The following CHRNA2 variants were observed in gnomAD, a reference collection of about 807,000 sequenced individuals.
CHRNA2 encodes neuronal acetylcholine receptor subunit alpha-2.
CHRNA2 carries 40 observed loss-of-function variants against 45.5 expected under a neutral mutation model. That is an observed-to-expected ratio of 0.88 (90% confidence interval 0.68 to 1.15). CHRNA2 has a LOEUF of 1.15. Ranked by LOEUF, CHRNA2 falls within the 50% of genes most tolerant of loss-of-function variation. The pLI is 0.00. For missense variants in CHRNA2, 655 were observed against 701.7 expected (o/e 0.93, Z 0.75); for synonymous variants, 301 against 296.7 (o/e 1.01, Z -0.15).
chr8:27,466,962 A>G (rs1315928196), intron 5 of CHRNA2, among the ~76,000 whole-genome samples: 2 of 152,214 alleles, frequency 1.3e-5, no homozygotes, highest in African/African-American at 4.8e-5. Flanking sequence ...TTCAAAGAAT[A>G]CTCAGTATGG....
At chr8:27,473,540 C>A in intron 1 of CHRNA2, among the ~76,000 whole-genome samples, 1 of 127,204 alleles carries the variant, frequency 7.9e-6, no homozygotes, top group African/African-American at 3.0e-5. Flanking sequence ...CCCGCCGTCT[C>A]TACAAAAAAT....
intron 1 of CHRNA2, among the ~76,000 whole-genome samples, chr8:27,477,016 G>C (rs1198096411): frequency 2.0e-5 from 3 of 151,546 alleles, no homozygotes; most frequent in Admixed American, 1.3e-4. Flanking sequence ...AAAAACTGAT[G>C]TTCAGAGAAG....
In CHRNA2 at chr8:27,469,914, C is replaced by T. The variant is rs1057523368; in HGVS notation, c.141G>A (p.Thr47=). The part of the protein sequence containing the change: ...PGDPLSSPSP[T]ALPQGGSHTE... ...TATGCGAGCCTCCCTGCGGCAATGC[C>T]GTGGGACTGGGAGAGGAGAGTGGGT... Residue 47 remains threonine, a synonymous_variant, in exon 3 of 7, where the codon ACG becomes ACA. Coordinates refer to ENST00000407991, the MANE Select transcript of CHRNA2 (RefSeq NM_000742.4). 3.7e-6 allele frequency: 6 copies of T among 1,613,998 alleles called. No homozygotes were observed. The highest frequency in any genetic ancestry group is 2.2e-5 in the East Asian group (1 of 44,874).
intron 5 of CHRNA2, among the ~76,000 whole-genome samples, chr8:27,466,589 A>G (rs1275036829): frequency 1.3e-5 from 2 of 152,234 alleles, no homozygotes; most frequent in Non-Finnish European, 2.9e-5. Flanking sequence ...AACACCAAAT[A>G]TCTTTTCATT....
chr8:27,460,901 TG>T lies in CHRNA2; in HGVS notation c.*727del, dbSNP rs1812458369. ...TCAAGGAGAAGCCTGGAGGCTCAAATGTGCTTCCAGATGGATGGAATAGCCC... is the reference window on the plus strand; with the variant it reads ...TCAAGGAGAAGCCTGGAGGCTCAAATTGCTTCCAGATGGATGGAATAGCCC... On this transcript the variant is annotated 3_prime_UTR_variant, in exon 7 of 7. Coordinates refer to ENST00000407991, the MANE Select transcript of CHRNA2 (RefSeq NM_000742.4). The T allele has an allele frequency of 6.6e-6, 1 of 152,278 alleles. No individual in the cohort carries two copies. Among genetic ancestry groups the T allele is most frequent in the African/African-American group, 2.4e-5 (1 of 41,420 alleles). 9.4% of individuals were successfully genotyped at this position (152,278 alleles called of 1,614,324 possible). A position where few individuals can be genotyped will look rare whatever the true frequency, so the allele number is the denominator to read the frequency against.
At chr8:27,478,287 C>G (rs1003731451) in intron 1 of CHRNA2, among the ~76,000 whole-genome samples, 4 of 152,168 alleles carry the variant, frequency 2.6e-5, no homozygotes, top group Non-Finnish European at 5.9e-5. Context: ...GCTTTTATAT[C>G]TGTTTTGCTC....
intron 5 of CHRNA2, among the ~76,000 whole-genome samples, chr8:27,466,011 C>T (rs1164145077): frequency 1.3e-5 from 2 of 152,142 alleles, no homozygotes; most frequent in Non-Finnish European, 2.9e-5. Context: ...GGACTTTGCT[C>T]CTGACCTCTG....
At chr8:27,467,429 C>T (rs1354248529) in intron 4 of CHRNA2, 91 bp from the exon 5 acceptor site, 1 of 1,004,648 alleles carries the variant, frequency 1.0e-6, no homozygotes, top group Non-Finnish European at 1.5e-6. Flanking sequence ...AGAATTGGGC[C>T]AAGCAGCCCC....
intron 1 of CHRNA2, among the ~76,000 whole-genome samples, chr8:27,474,647 T>C (rs1346562436): frequency 1.3e-5 from 2 of 152,320 alleles, no homozygotes; most frequent in African/African-American, 2.4e-5. Context: ...GGGAAGCTTC[T>C]CCACAGATAG....
intron 1 of CHRNA2, among the ~76,000 whole-genome samples, chr8:27,474,656 AG>A (rs1813006094): frequency 6.6e-6 from 1 of 152,258 alleles, no homozygotes; most frequent in Non-Finnish European, 1.5e-5. Flanking sequence ...CTCCACAGAT[AG>A]GCCTGGTACA....
In CHRNA2 at chr8:27,467,276, C is replaced by G. The variant is rs773956983; in HGVS notation, c.402G>C (p.Arg134Ser). 1.2e-6 allele frequency: 2 copies of G among 1,613,918 alleles called. No individual in the cohort carries two copies. Among genetic ancestry groups the G allele is most frequent in the African/African-American group, 2.7e-5 (2 of 74,898 alleles). ...GGATCCAGATCATCTCAGAAGGGAC[C>G]CTGAGAGATGTGATGTTGCCAAAAT... ...PTDFGNITSL[R>S]VPSEMIWIPD... Residue 134 changes from arginine (R) to serine (S), a missense_variant, in exon 5 of 7, where the codon AGG (arginine) becomes AGC (serine). By Grantham distance (110) the Arg-to-Ser change is moderately radical (BLOSUM62 -1). Around this residue, in one of 3 missense-constraint regions of CHRNA2, gnomAD observed 323 missense variants for 354.4 expected, o/e 0.91. Coordinates refer to ENST00000407991, the MANE Select transcript of CHRNA2 (RefSeq NM_000742.4).
rs180982173 is a variant in CHRNA2, at chr8:27,470,327, G to A, written c.74-346C>T. ...AAGAGACGCCTGGTCTACGTGGCGG[G>A]GCTGCAGGGAGAAGGGCTCTGGCAT... On this transcript the variant is annotated intron_variant, in intron 2 of 6. Transcript: ENST00000407991. Among the ~76,000 whole-genome samples, 1,117 of 152,276 alleles carry A rather than the reference G, an allele frequency of 7.3e-3. 3 individuals carry two copies. Among genetic ancestry groups the A allele is most frequent in the Non-Finnish European group, 0.012 (800 of 68,012 alleles).
At chr8:27,468,431 C>A (rs1036612280) in intron 4 of CHRNA2, among the ~76,000 whole-genome samples, 3 of 152,224 alleles carry the variant, frequency 2.0e-5, no homozygotes, top group Non-Finnish European at 4.4e-5. Flanking sequence ...CCGACCTAAG[C>A]GGGATCTGTG....
chr8:27,468,661 C>CA (rs1230135725), intron 4 of CHRNA2, among the ~76,000 whole-genome samples: 1 of 152,186 alleles, frequency 6.6e-6, no homozygotes, highest in Non-Finnish European at 1.5e-5. Flanking sequence ...CAGAACCTTC[C>CA]AGCACCTTCC....
chr8:27,467,152 G>T, intron 5 of CHRNA2, 77 bp downstream of exon 5: 1 of 1,121,464 alleles, frequency 8.9e-7, no homozygotes, highest in South Asian at 1.2e-5. Context: ...CACCAGGGGG[G>T]CCCCTCCCAA....
Position 27,470,905 on chromosome 8 carries a change from C to A in CHRNA2, c.73+81G>T, listed in dbSNP as rs867009443. 4.9e-5 allele frequency: 71 copies of A among 1,434,726 alleles called. No individual in the cohort carries two copies. In the Middle Eastern group the frequency reaches 3.8e-3, roughly 77 times the overall value. The allele number at this position is 1,434,726 out of a possible 1,614,324, so 88.9% of individuals were successfully genotyped here. ...TGCAGCTTTGACGGTTGCAACACAT[C>A]CACCTGCAGACTCCTTCCTACAATT... On this transcript the variant is annotated intron_variant, in intron 2 of 6. Coordinates refer to ENST00000407991, the MANE Select transcript of CHRNA2 (RefSeq NM_000742.4).
intron 5 of CHRNA2, among the ~76,000 whole-genome samples, chr8:27,464,444 G>C (rs1812634577): frequency 1.3e-5 from 2 of 152,116 alleles, no homozygotes; most frequent in Non-Finnish European, 2.9e-5. Flanking sequence ...CACAAGGCCA[G>C]CCACGCCACG....
chr8:27,463,690 G>T lies in CHRNA2; in HGVS notation c.753C>A (p.Ile251=). Residue 251 remains isoleucine (I), a synonymous_variant, in exon 6 of 7, where the codon ATC becomes ATA. Coordinates refer to ENST00000407991, the MANE Select transcript of CHRNA2 (RefSeq NM_000742.4). The surrounding 1 kb of genome is among the most constrained non-coding windows in gnomAD (Gnocchi z 6.1). ...NSKKYDCCAE[I]YPDVTYAFVI... is the part of the protein sequence containing the mutation. ...CGAAGGCGTAGGTGACGTCGGGGTA[G>T]ATCTCGGCGCAGCAGTCGTACTTCT... 6.2e-6 allele frequency: 10 copies of T among 1,614,112 alleles called. No homozygotes were observed. Among genetic ancestry groups the T allele is most frequent in the Non-Finnish European group, 8.5e-6 (10 of 1,180,018 alleles).
chr8:27,461,257 T>G lies in CHRNA2; in HGVS notation c.*372A>C, dbSNP rs920217846. ...TCCCCTTTGCCCCCACGGCCCCTCC[T>G]TTGAGGTCTGCATTCCCTTCCTCGT... On this transcript the variant is annotated 3_prime_UTR_variant, in exon 7 of 7. Coordinates refer to ENST00000407991, the MANE Select transcript of CHRNA2 (RefSeq NM_000742.4). 10 of 271,586 alleles carry G rather than the reference T, an allele frequency of 3.7e-5. No homozygotes were observed. The highest frequency in any genetic ancestry group is 1.9e-4 in the African/African-American group (9 of 46,396). 16.8% of individuals were successfully genotyped at this position (271,586 alleles called of 1,614,324 possible). A position where few individuals can be genotyped will look rare whatever the true frequency, so the allele number is the denominator to read the frequency against.
Sources: gnomAD v4.1 joint callset for allele counts (sites outside exome capture counted in the v4.1 genomes callset) on GRCh38, gnomAD v4.1.1 for gene constraint, gnomAD v4.1.1 regional missense constraint, Gnocchi (gnomAD v3.1) non-coding constraint, MANE v1.5 for transcripts, NCBI Gene and HGNC (gene_info 2026-07-23, HGNC 2026-07-21) for gene names.